Variants in CUL2 observed in about 807,000 individuals in gnomAD.
The protein encoded by CUL2 is cullin-2.
A neutral mutation model predicts 110.2 loss-of-function variants in CUL2; 22 were observed. The observed-to-expected ratio is 0.20, with a 90% CI of 0.14 to 0.28. CUL2 has a LOEUF of 0.28. Ranked by LOEUF, CUL2 falls within the 10% of genes least tolerant of loss-of-function variation. CUL2 has a pLI of 1.00. For synonymous variants in CUL2, 279 were observed against 293.2 expected (o/e 0.95, Z 0.49); for missense variants, 631 against 905.5 (o/e 0.70, Z 3.89).
In CUL2 at chr10:35,035,295, G is replaced by A. The variant is rs1265438517; in HGVS notation, c.879C>T (p.Asp293=). The change falls in exon 10 of 21, where the codon GAC becomes GAT. Residue 293 remains aspartate, a splice_region_variant and synonymous_variant. Coordinates refer to ENST00000374749, the MANE Select transcript of CUL2 (RefSeq NM_003591.4). ...GGAGTAAGACGTACATATTTGCCAT[G>A]TCTGAGAGGAAAAAGACATCTGAGG... ...HNIIRQEKKN[D]MANMYVLLRA... 7 of 1,613,530 alleles carry A rather than the reference G, an allele frequency of 4.3e-6. No individual in the cohort carries two copies. The highest frequency in any genetic ancestry group is 5.9e-6 in the Non-Finnish European group (7 of 1,179,682).
At chr10:35,030,808 G>A (rs1329348945) in intron 14 of CUL2, among the ~76,000 whole-genome samples, 7 of 137,370 alleles carry the variant, frequency 5.1e-5, no homozygotes, top group African/African-American at 1.5e-4. Flanking sequence ...CGGGAGGATC[G>A]CTTGAGCCCA....
intron 1 of CUL2, among the ~76,000 whole-genome samples, chr10:35,081,536 C>T (rs113214373): frequency 2.0e-5 from 3 of 152,196 alleles, no homozygotes; most frequent in Non-Finnish European, 4.4e-5. Context: ...GCAAGCCCAT[C>T]GTGTATGAAT....
intron 17 of CUL2, among the ~76,000 whole-genome samples, chr10:35,017,221 A>T (rs1194077386): frequency 6.6e-6 from 1 of 152,154 alleles, no homozygotes; most frequent in Admixed American, 6.5e-5. Context: ...TCTCATAAAC[A>T]ACATTTTTCT....
At chr10:35,113,223 C>A (rs144630361) in intron 1 of CUL2, among the ~76,000 whole-genome samples, 1 of 145,324 alleles carries the variant, frequency 6.9e-6, no homozygotes, top group Non-Finnish European at 1.5e-5. Flanking sequence ...CGGCCAGGTG[C>A]GGTGGCTCAC....
upstream of CUL2, among the ~76,000 whole-genome samples, chr10:35,093,784 G>T (rs560622424): frequency 6.6e-6 from 1 of 151,662 alleles, no homozygotes; most frequent in Admixed American, 6.6e-5. Context: ...TCTTTCAAAG[G>T]CCTGAGTTTC....
upstream of CUL2, among the ~76,000 whole-genome samples, chr10:35,091,751 G>C (rs1033379806): frequency 1.3e-5 from 2 of 152,038 alleles, no homozygotes; most frequent in African/African-American, 4.8e-5. Context: ...TTCCCGAGTA[G>C]CTGGTATTAC....
At chr10:35,013,476 A>G (rs1175960097) in intron 19 of CUL2, among the ~76,000 whole-genome samples, 2 of 152,236 alleles carry the variant, frequency 1.3e-5, no homozygotes, top group Non-Finnish European at 2.9e-5. Context: ...GTTTAAGAGC[A>G]AATACAACAA....
intron 17 of CUL2, among the ~76,000 whole-genome samples, chr10:35,018,288 CAAAAAAAA>C (rs11357517): frequency 9.3e-5 from 7 of 75,274 alleles, no homozygotes; most frequent in Admixed American, 1.8e-4. Context: ...CTCCATCTCA[CAAAAAAAA>C]AAAAAAAAAA....
intron 6 of CUL2, among the ~76,000 whole-genome samples, chr10:35,049,408 T>C (rs150034549): frequency 5.3e-5 from 8 of 151,840 alleles, no homozygotes; most frequent in Non-Finnish European, 1.2e-4. Flanking sequence ...TGAAAAGCAA[T>C]AAGTCACTTC....
intron 1 of CUL2, among the ~76,000 whole-genome samples, chr10:35,085,471 G>A (rs1040988936): frequency 3.2e-4 from 48 of 151,366 alleles, no homozygotes; most frequent in African/African-American, 9.7e-4. Context: ...GGCCAGGCGC[G>A]GTGTGGCTCA....
chr10:35,027,075 G>T (rs987945947), intron 16 of CUL2, among the ~76,000 whole-genome samples: 3 of 150,736 alleles, frequency 2.0e-5, no homozygotes, highest in African/African-American at 7.3e-5. Flanking sequence ...ATCTCAAAGA[G>T]CCTTAAAAAT....
At chr10:35,074,393 C>T in intron 1 of CUL2, 1 of 638,588 alleles carries the variant, frequency 1.6e-6, no homozygotes, top group Non-Finnish European at 2.8e-6. Context: ...GATTCATACA[C>T]TTGCCTTTAC....
chr10:35,031,356 T>G lies in CUL2; in HGVS notation c.1330A>C (p.Ile444Leu). 6.2e-7 allele frequency: 1 copy of G among 1,609,790 alleles called. No individual in the cohort carries two copies. Among genetic ancestry groups the G allele is most frequent in the Non-Finnish European group, 8.5e-7 (1 of 1,178,222 alleles). ...TCCATAGACATGGATAACCCATGAATTAAACGTTTTGCCAGCATTCTTGCG... is the reference window on the plus strand; with the variant it reads ...TCCATAGACATGGATAACCCATGAAGTAAACGTTTTGCCAGCATTCTTGCG... ...FYARMLAKRL[I>L]HGLSMSMDSE... is the part of the protein sequence containing the mutation. The change falls in exon 14 of 21, where the codon ATT becomes CTT. Residue 444 changes from isoleucine to leucine, a missense_variant. Physicochemically the swap from Ile to Leu is conservative, Grantham distance 5. Transcript: ENST00000374749. The surrounding 1 kb of genome is among the most constrained non-coding windows in gnomAD (Gnocchi z 4.4).
intron 1 of CUL2, among the ~76,000 whole-genome samples, chr10:35,125,949 C>T (rs747209407): frequency 6.6e-6 from 1 of 152,164 alleles, no homozygotes; most frequent in Non-Finnish European, 1.5e-5. Flanking sequence ...CCTGCCTCAG[C>T]CTCCCAACTA....
intron 1 of CUL2, among the ~76,000 whole-genome samples, chr10:35,089,713 G>A (rs1589054780): frequency 1.3e-5 from 2 of 152,126 alleles, no homozygotes; most frequent in African/African-American, 2.4e-5. Flanking sequence ...GAGACAAGAA[G>A]TCTAGCATGC....
intron 8 of CUL2, among the ~76,000 whole-genome samples, chr10:35,039,957 A>C (rs887583369): frequency 5.3e-5 from 8 of 152,216 alleles, no homozygotes; most frequent in Non-Finnish European, 8.8e-5. Context: ...GTTTGAGACC[A>C]GCCTGGCCAA....
intron 1 of CUL2, among the ~76,000 whole-genome samples, chr10:35,081,420 C>T (rs1015266803): frequency 2.6e-5 from 4 of 152,126 alleles, no homozygotes; most frequent in Admixed American, 6.6e-5. Context: ...ATAATCTAGT[C>T]AACGAATTTA....
At chr10:35,086,827 A>G (rs2087077205) in intron 1 of CUL2, among the ~76,000 whole-genome samples, 1 of 152,222 alleles carries the variant, frequency 6.6e-6, no homozygotes, top group African/African-American at 2.4e-5. Flanking sequence ...CTGTGTTCTC[A>G]TCCTATTTCA....
intron 6 of CUL2, among the ~76,000 whole-genome samples, chr10:35,049,007 T>C (rs2086022895): frequency 6.6e-6 from 1 of 152,192 alleles, no homozygotes; most frequent in Non-Finnish European, 1.5e-5. Flanking sequence ...TCTAGATAAT[T>C]CCTATAACAT....
Sources: allele counts gnomAD v4.1 joint callset (sites outside exome capture counted in the v4.1 genomes callset), GRCh38; gene constraint gnomAD v4.1.1; non-coding constraint Gnocchi (gnomAD v3.1); transcripts MANE v1.5; gene names NCBI Gene and HGNC (gene_info 2026-07-23, HGNC 2026-07-21).